USH2A: variants seen among roughly 807,000 people sequenced by gnomAD.
USH2A encodes the protein Usher syndrome 2A (autosomal recessive, mild).
A neutral mutation model predicts 538.9 loss-of-function variants in USH2A; 443 were observed. The observed-to-expected ratio is 0.82, with a 90% CI of 0.76 to 0.89. USH2A has a LOEUF of 0.89. USH2A is among the 40% of genes least tolerant of loss of function. The probability of loss-of-function intolerance (pLI) is 0.00; values close to 1 mark genes in which losing one functional copy is unlikely to be tolerated. For missense variants in USH2A, 6,633 were observed against 6,324.8 expected (o/e 1.05, Z -1.65); for synonymous variants, 2,413 against 2,273.5 (o/e 1.06, Z -1.75).
chr1:216,014,026 T>C (rs963951836), intron 32 of USH2A, among the ~76,000 whole-genome samples: 1 of 152,196 alleles, frequency 6.6e-6, no homozygotes, highest in African/African-American at 2.4e-5. Flanking sequence ...TTATTCTCAA[T>C]GTATTTCCAT....
At chr1:216,350,333 T>G (rs953439211) in intron 4 of USH2A, among the ~76,000 whole-genome samples, 1 of 152,034 alleles carries the variant, frequency 6.6e-6, no homozygotes, top group Non-Finnish European at 1.5e-5. Context: ...AATACAATTA[T>G]CCCTTCCCAA....
At chr1:215,917,931 C>G (rs967417401) in intron 38 of USH2A, among the ~76,000 whole-genome samples, 1 of 151,984 alleles carries the variant, frequency 6.6e-6, no homozygotes, top group African/African-American at 2.4e-5. Context: ...CCACTACACT[C>G]TAGCCAGGGT....
At chr1:216,330,643 TTA>T (rs1475886393) in intron 4 of USH2A, among the ~76,000 whole-genome samples, 1 of 151,940 alleles carries the variant, frequency 6.6e-6, no homozygotes, top group Non-Finnish European at 1.5e-5. Context: ...GTACAAATTG[TTA>T]TATATACAAA....
At chr1:216,192,300 T>C (rs1170100996) in intron 19 of USH2A, among the ~76,000 whole-genome samples, 2 of 152,106 alleles carry the variant, frequency 1.3e-5, no homozygotes, top group African/African-American at 2.4e-5. Flanking sequence ...CAGATACAAA[T>C]TTAATCATTG....
intron 50 of USH2A, among the ~76,000 whole-genome samples, chr1:215,795,539 T>C (rs1337115031): frequency 6.6e-6 from 1 of 152,214 alleles, no homozygotes; most frequent in African/African-American, 2.4e-5. Flanking sequence ...GGACGGAGTA[T>C]AGCAGTTGAC....
intron 4 of USH2A, among the ~76,000 whole-genome samples, chr1:216,355,133 C>T (rs2038358951): frequency 6.6e-6 from 1 of 151,834 alleles, no homozygotes; most frequent in Admixed American, 6.6e-5. Flanking sequence ...CATGGTGAAA[C>T]ACGGTCTCTA....
At chr1:215,751,213 T>C (rs145555400) in intron 58 of USH2A, among the ~76,000 whole-genome samples, 114 of 152,284 alleles carry the variant, frequency 7.5e-4, no homozygotes, top group African/African-American at 2.7e-3. Context: ...GACCATATTA[T>C]GGCCAGCTAA....
chr1:215,726,277 CT>C (rs1659814661), intron 61 of USH2A, among the ~76,000 whole-genome samples: 1 of 152,054 alleles, frequency 6.6e-6, no homozygotes, highest in South Asian at 2.1e-4. Flanking sequence ...AAGAACACTG[CT>C]TCTAATGCTT....
chr1:216,346,174 C>T (rs2038172745), intron 4 of USH2A, among the ~76,000 whole-genome samples: 1 of 152,046 alleles, frequency 6.6e-6, no homozygotes, highest in East Asian at 1.9e-4. Context: ...GAATTATTGA[C>T]AGTTTCGCCT....
In USH2A at chr1:216,267,061, A is replaced by G. The variant is rs1187037990; in HGVS notation, c.1972-15963T>C. ...TATCACCAAGGGCGTGAGCGTAGAT[A>G]CAGGAAAGTCCTCTAAAGAGAGTTC... On this transcript the variant is annotated intron_variant, in intron 11 of 71. Coordinates refer to ENST00000307340, the MANE Select transcript of USH2A (RefSeq NM_206933.4). Among the ~76,000 whole-genome samples, 3 of 152,094 alleles carry G rather than the reference A, an allele frequency of 2.0e-5. 1 individual carries two copies. Among genetic ancestry groups the G allele is most frequent in the Admixed American group, 1.3e-4 (2 of 15,234 alleles).
At chr1:216,048,862 C>T (rs528684413) in intron 30 of USH2A, among the ~76,000 whole-genome samples, 20 of 152,308 alleles carry the variant, frequency 1.3e-4, no homozygotes, top group African/African-American at 4.8e-4. Context: ...GTGAGACCAA[C>T]TTATTGTTAA....
chr1:216,185,196 G>T (rs1171711776), intron 20 of USH2A, among the ~76,000 whole-genome samples: 1 of 151,910 alleles, frequency 6.6e-6, no homozygotes, highest in African/African-American at 2.4e-5. Context: ...GCAATGGAGA[G>T]AGATGCAGCT....
chr1:216,230,140 A>T (rs909603137), intron 14 of USH2A, among the ~76,000 whole-genome samples: 1 of 152,138 alleles, frequency 6.6e-6, no homozygotes, highest in East Asian at 1.9e-4. Context: ...GTTGGGGAAG[A>T]TATTTTTCTC....
intron 9 of USH2A, 147 bp from the exon 10 acceptor site, chr1:216,292,517 G>C: frequency 1.1e-6 from 1 of 880,124 alleles, no homozygotes; most frequent in Non-Finnish European, 1.7e-6. Flanking sequence ...TATTTCGTAA[G>C]TCAGAAATAG....
rs565758823 is a variant in USH2A at position 215,735,925 on chromosome 1, C to A, written c.11711+5450G>T. On this transcript the variant is annotated intron_variant, in intron 60 of 71. Transcript: ENST00000307340. ...TGCTTCACATTTAACAGTAATTCCA[C>A]ACATATTATTTAATTCTTACAGAAT... is the stretch of plus-strand genomic sequence containing the variant. 3.9e-5 allele frequency among the ~76,000 whole-genome samples: 6 copies of A among 152,182 alleles called. No homozygotes were observed. In the South Asian group the frequency reaches 8.3e-4, roughly 21 times the overall value.
At chr1:216,140,457 A>G (rs182376205) in intron 21 of USH2A, among the ~76,000 whole-genome samples, 2 of 152,294 alleles carry the variant, frequency 1.3e-5, no homozygotes, top group Non-Finnish European at 1.5e-5. Context: ...TTCAATAAAT[A>G]TTTGTTCAAA....
intron 21 of USH2A, among the ~76,000 whole-genome samples, chr1:216,172,440 TCAAAA>T (rs1200025806): frequency 1.3e-5 from 2 of 152,108 alleles, no homozygotes; most frequent in African/African-American, 2.4e-5. Flanking sequence ...ATTGAATAAT[TCAAAA>T]CAAAGGACAT....
At chr1:216,212,200 C>A (rs2035255857) in intron 15 of USH2A, among the ~76,000 whole-genome samples, 1 of 152,132 alleles carries the variant, frequency 6.6e-6, no homozygotes, top group African/African-American at 2.4e-5. Context: ...CACACAGAGG[C>A]TCTTTCCAAA....
intron 36 of USH2A, among the ~76,000 whole-genome samples, chr1:215,970,026 A>G (rs997749866): frequency 6.6e-6 from 1 of 152,194 alleles, no homozygotes. Context: ...AGGAATAGAA[A>G]ACATAATCTT....
Sources: gnomAD v4.1 joint callset for allele counts (sites outside exome capture counted in the v4.1 genomes callset) on GRCh38, gnomAD v4.1.1 for gene constraint, MANE v1.5 for transcripts, NCBI Gene and HGNC (gene_info 2026-07-23, HGNC 2026-07-21) for gene names.